Variants in CDH13 observed in about 807,000 individuals in gnomAD.
CDH13 encodes the protein cadherin-13.
In CDH13, 24 loss-of-function variants were observed where a neutral mutation model predicts 63.8. The ratio of observed to expected loss-of-function variants is 0.38; its 90% confidence interval spans 0.27 to 0.53. The LOEUF (loss-of-function observed/expected upper bound fraction) is 0.53, where lower values mean the gene tolerates loss of function less well. Ranked by LOEUF, CDH13 falls within the 20% of genes least tolerant of loss-of-function variation. CDH13 has a pLI of 0.85. For synonymous variants in CDH13, 503 were observed against 355.3 expected, an observed-to-expected ratio of 1.42 and a Z score of -4.67; for missense variants, 1,049 against 903.1, an observed-to-expected ratio of 1.16 and a Z score of -2.07.
chr16:82,699,641 G>C (rs1870844), intron 1 of CDH13, among the ~76,000 whole-genome samples: 4,645 of 152,262 alleles, frequency 0.031, 160 homozygotes, highest in African/African-American at 0.072. Flanking sequence ...TGACATTTCT[G>C]CTGAACCAAA....
chr16:82,914,508 C>T (rs967667205), intron 2 of CDH13, among the ~76,000 whole-genome samples: 1 of 152,122 alleles, frequency 6.6e-6, no homozygotes, highest in Non-Finnish European at 1.5e-5. Flanking sequence ...GATTCCTGAC[C>T]ATCTTCTAAC....
intron 4 of CDH13, among the ~76,000 whole-genome samples, chr16:83,177,944 T>C (rs2038194155): frequency 1.3e-5 from 2 of 152,104 alleles, no homozygotes; most frequent in South Asian, 4.1e-4. Context: ...GCTAAACATA[T>C]AGTAGGTGTT....
At chr16:82,856,374 CAAAAA>C (rs71382852) in intron 1 of CDH13, among the ~76,000 whole-genome samples, 41 of 95,890 alleles carry the variant, frequency 4.3e-4, no homozygotes, top group Non-Finnish European at 5.9e-4. Context: ...GACTCCATCT[CAAAAA>C]AAAAAAAAAA....
intron 6 of CDH13, among the ~76,000 whole-genome samples, chr16:83,420,380 T>C (rs933519827): frequency 2.0e-5 from 3 of 152,186 alleles, no homozygotes; most frequent in Admixed American, 6.5e-5. Flanking sequence ...CAGAGATTAA[T>C]GCTGGTCAAA....
At chr16:83,736,237 C>T (rs1366289039) in intron 10 of CDH13, among the ~76,000 whole-genome samples, 1 of 152,054 alleles carries the variant, frequency 6.6e-6, no homozygotes, top group Non-Finnish European at 1.5e-5. Flanking sequence ...ATGCTTTTAC[C>T]CATACTAAGA....
At chr16:82,728,924 T>C (rs1406157297) in intron 1 of CDH13, among the ~76,000 whole-genome samples, 1 of 152,214 alleles carries the variant, frequency 6.6e-6, no homozygotes. Flanking sequence ...TTCAACAATG[T>C]TCACAGTATC....
intron 6 of CDH13, among the ~76,000 whole-genome samples, chr16:83,398,892 C>G (rs1375148388): frequency 6.6e-6 from 1 of 152,136 alleles, no homozygotes; most frequent in South Asian, 2.1e-4. Flanking sequence ...GTTGCTAACC[C>G]TTAATTATTT....
chr16:83,734,647 G>T (rs9933455), intron 10 of CDH13, among the ~76,000 whole-genome samples: 44,630 of 150,082 alleles, frequency 0.3, 7,139 homozygotes, highest in Middle Eastern at 0.38. Context: ...ACGAGTTAAT[G>T]GGTGCAGCAC....
intron 6 of CDH13, among the ~76,000 whole-genome samples, chr16:83,483,104 A>G (rs1259136001): frequency 6.6e-6 from 1 of 152,364 alleles, no homozygotes; most frequent in Non-Finnish European, 1.5e-5. Flanking sequence ...AGAGAGATGA[A>G]TAATGTGGCC....
intron 4 of CDH13, among the ~76,000 whole-genome samples, chr16:83,174,552 A>G (rs925636038): frequency 6.6e-6 from 1 of 152,174 alleles, no homozygotes; most frequent in Non-Finnish European, 1.5e-5. Context: ...TAGAAGCTCA[A>G]TTCAGGTTCC....
intron 2 of CDH13, among the ~76,000 whole-genome samples, chr16:83,014,674 T>C (rs1477238594): frequency 2.8e-5 from 4 of 141,556 alleles, no homozygotes; most frequent in African/African-American, 1.1e-4. Flanking sequence ...GAGGTTGCAG[T>C]GAGCTGAGAT....
chr16:83,140,143 T>C (rs759837421), intron 4 of CDH13, among the ~76,000 whole-genome samples: 7 of 152,192 alleles, frequency 4.6e-5, no homozygotes, highest in Non-Finnish European at 7.3e-5. Context: ...TTAGATCCCA[T>C]AGGTCTGGGG....
chr16:82,783,814 G>T lies in CDH13; in HGVS notation c.46-74548G>T, dbSNP rs2035877781. On this transcript the variant is annotated intron_variant, in intron 1 of 13. Coordinates refer to ENST00000567109, the MANE Select transcript of CDH13 (RefSeq NM_001257.5). ...AGAGAAAGAACAGAGGCAGCGGCAGGCTTCTGACAAGGGAATACTGGTAAT... is the reference window on the plus strand; with the variant it reads ...AGAGAAAGAACAGAGGCAGCGGCAGTCTTCTGACAAGGGAATACTGGTAAT... Among the ~76,000 whole-genome samples, 3 of 140,022 alleles carry T rather than the reference G, an allele frequency of 2.1e-5. No homozygotes were observed. In the South Asian group the frequency reaches 7.7e-4, roughly 36 times the overall value. The allele number at this position is 140,022 out of a possible 152,430, so 91.9% of individuals were successfully genotyped here. A position where few individuals can be genotyped will look rare whatever the true frequency, so the allele number is the denominator to read the frequency against.
At chr16:82,976,726 C>A (rs2151379230) in intron 2 of CDH13, among the ~76,000 whole-genome samples, 1 of 152,230 alleles carries the variant, frequency 6.6e-6, no homozygotes, top group East Asian at 1.9e-4. Context: ...TCTTTTACTC[C>A]CAAAACCAAG....
At chr16:83,492,796 A>G (rs2074044636) in intron 7 of CDH13, among the ~76,000 whole-genome samples, 1 of 152,094 alleles carries the variant, frequency 6.6e-6, no homozygotes, top group Non-Finnish European at 1.5e-5. Context: ...TTGTGGCCTC[A>G]TTTGCTCCTC....
At chr16:83,180,656 G>A (rs756805778) in intron 4 of CDH13, among the ~76,000 whole-genome samples, 7 of 152,142 alleles carry the variant, frequency 4.6e-5, no homozygotes, top group Non-Finnish European at 1.0e-4. Context: ...TATTATCTTG[G>A]AACTATGCAG....
chr16:83,611,399 C>G (rs1400408370), intron 8 of CDH13, among the ~76,000 whole-genome samples: 3 of 151,648 alleles, frequency 2.0e-5, no homozygotes, highest in Non-Finnish European at 4.4e-5. Flanking sequence ...TTGTGTTTTT[C>G]CAGGAATTTG....
At chr16:83,284,481 T>C (rs909795391) in intron 5 of CDH13, among the ~76,000 whole-genome samples, 1 of 152,112 alleles carries the variant, frequency 6.6e-6, no homozygotes, top group African/African-American at 2.4e-5. Context: ...AATGATGGAC[T>C]CCAGGAAATA....
chr16:83,293,257 A>G (rs1259161849), intron 5 of CDH13, among the ~76,000 whole-genome samples: 1 of 152,228 alleles, frequency 6.6e-6, no homozygotes, highest in African/African-American at 2.4e-5. Flanking sequence ...CCTTCATTAA[A>G]TTATTTTTAA....
Sources: gnomAD v4.1 joint callset for allele counts (sites outside exome capture counted in the v4.1 genomes callset) on GRCh38, gnomAD v4.1.1 for gene constraint, MANE v1.5 for transcripts, NCBI Gene and HGNC (gene_info 2026-07-23, HGNC 2026-07-21) for gene names.